The following RNF217 variants were observed in gnomAD, a reference collection of about 807,000 sequenced individuals.
RNF217 encodes the protein ring finger protein 217, also known as E3 ubiquitin-protein ligase RNF217.
In RNF217, 31 loss-of-function variants were observed where a neutral mutation model predicts 57.8. The ratio of observed to expected loss-of-function variants is 0.54; its 90% confidence interval spans 0.40 to 0.72. The LOEUF (loss-of-function observed/expected upper bound fraction) is 0.72. RNF217 is among the 30% of genes least tolerant of loss of function. The probability of loss-of-function intolerance (pLI) is 0.00; values close to 1 mark genes in which losing one functional copy is unlikely to be tolerated. For missense variants in RNF217, 696 were observed against 708.3 expected (o/e 0.98, Z 0.20); for synonymous variants, 313 against 294.0 (o/e 1.06, Z -0.66).
At chr6:125,035,042 G>A (rs374727125) in intron 1 of RNF217, among the ~76,000 whole-genome samples, 1 of 151,942 alleles carries the variant, frequency 6.6e-6, no homozygotes, top group East Asian at 1.9e-4. Context: ...TTTGTACATT[G>A]ATTTTGTATC....
chr6:125,041,901 GCAC>G (rs544288941), intron 1 of RNF217, among the ~76,000 whole-genome samples: 4 of 151,794 alleles, frequency 2.6e-5, no homozygotes, highest in Non-Finnish European at 5.9e-5. Flanking sequence ...ATTCGGTTAT[GCAC>G]CACCAAGAAA....
chr6:125,022,519 A>G (rs1461981099), intron 1 of RNF217, among the ~76,000 whole-genome samples: 1 of 152,172 alleles, frequency 6.6e-6, no homozygotes, highest in Non-Finnish European at 1.5e-5. Context: ...CAATTAGCAC[A>G]TTGAGTGCAA....
chr6:125,059,120 T>C (rs1787632456), intron 3 of RNF217, among the ~76,000 whole-genome samples: 1 of 152,106 alleles, frequency 6.6e-6, no homozygotes, highest in Admixed American at 6.6e-5. Context: ...CAAATTCACA[T>C]ACTGGTTTAT....
chr6:125,022,189 T>C (rs1309488496), intron 1 of RNF217, among the ~76,000 whole-genome samples: 2 of 152,144 alleles, frequency 1.3e-5, no homozygotes, highest in Non-Finnish European at 2.9e-5. Flanking sequence ...GCCTGTTTTC[T>C]TACTGGTTCT....
chr6:124,963,330 G>A lies in RNF217; in HGVS notation c.786G>A (p.Met262Ile). 6.5e-7 allele frequency: 1 copy of A among 1,534,922 alleles called. No homozygotes were observed. The highest frequency in any genetic ancestry group is 8.7e-7 in the Non-Finnish European group (1 of 1,146,266). The change falls in exon 1 of 6, where the codon ATG becomes ATA. Residue 262 changes from methionine (M) to isoleucine (I), a missense_variant. Coordinates refer to ENST00000521654, the MANE Select transcript of RNF217 (RefSeq NM_001286398.3). Reference protein sequence around the residue: ...GDPYVPLMVLMCRVCLEDKPI... With the variant: ...GDPYVPLMVLICRVCLEDKPI... Reference sequence around the variant, plus strand: ...CCTATGTGCCCCTCATGGTGCTGATGTGCCGGGTGTGCCTGGAAGACAAGC... The same window carrying A: ...CCTATGTGCCCCTCATGGTGCTGATATGCCGGGTGTGCCTGGAAGACAAGC...
At chr6:124,978,499 G>A (rs1303543256) in intron 1 of RNF217, among the ~76,000 whole-genome samples, 2 of 151,680 alleles carry the variant, frequency 1.3e-5, no homozygotes, top group Non-Finnish European at 2.9e-5. Flanking sequence ...GCCCCAAGGG[G>A]GGTTACAGTT....
chr6:125,082,435 T>G (rs891766898), intron 5 of RNF217: 1 of 1,587,556 alleles, frequency 6.3e-7, no homozygotes, highest in Admixed American at 1.8e-5. Context: ...GATATTATTA[T>G]CTGTATTATA....
intron 1 of RNF217, chr6:124,983,303 T>C: frequency 1.8e-5 from 16 of 890,172 alleles, no homozygotes; most frequent in Non-Finnish European, 2.2e-5. Context: ...AATCAGATTC[T>C]GGTAATTATT....
chr6:124,963,197 C>G lies in RNF217; in HGVS notation c.653C>G (p.Pro218Arg). Residue 218 changes from proline (P) to arginine (R), a missense_variant, in exon 1 of 6, where the codon CCC (proline) becomes CGC (arginine). Physicochemically the swap from Pro to Arg is moderately radical, Grantham distance 103. This residue lies in a region of RNF217 where 465 missense variants were observed against 386.8 expected (regional missense o/e 1.20). Transcript: ENST00000521654. The part of the protein sequence containing the change: ...RLSLPTDSLS[P>R]DGGSIELEFY... Reference sequence around the variant, plus strand: ...TCCCTCCCAACGGATTCCCTCTCCCCCGACGGCGGCAGCATCGAGCTGGAG... The same window carrying G: ...TCCCTCCCAACGGATTCCCTCTCCCGCGACGGCGGCAGCATCGAGCTGGAG... 1.3e-6 allele frequency: 2 copies of G among 1,536,100 alleles called. No individual in the cohort carries two copies. Among genetic ancestry groups the G allele is most frequent in the Non-Finnish European group, 1.7e-6 (2 of 1,146,886 alleles).
intron 3 of RNF217, among the ~76,000 whole-genome samples, chr6:125,067,550 T>C (rs1369712287): frequency 3.9e-5 from 6 of 152,182 alleles, no homozygotes; most frequent in Admixed American, 3.9e-4. Flanking sequence ...CCACCAAATA[T>C]TTAGTATGGG....
chr6:124,984,918 G>T (rs942948436), intron 1 of RNF217, among the ~76,000 whole-genome samples: 1 of 152,056 alleles, frequency 6.6e-6, no homozygotes, highest in Non-Finnish European at 1.5e-5. Flanking sequence ...TATAATATAT[G>T]TAAGACATAA....
intron 1 of RNF217, among the ~76,000 whole-genome samples, chr6:125,029,664 A>G (rs1018703481): frequency 8.0e-5 from 12 of 150,354 alleles, no homozygotes; most frequent in Non-Finnish European, 1.8e-4. Flanking sequence ...TGTTGTTGGT[A>G]AAAATGTAGA....
At chr6:124,985,520 T>C (rs1182744765) in intron 1 of RNF217, among the ~76,000 whole-genome samples, 1 of 152,138 alleles carries the variant, frequency 6.6e-6, no homozygotes, top group Non-Finnish European at 1.5e-5. Context: ...CTCTGATATA[T>C]TAATAAAGTA....
intron 3 of RNF217, among the ~76,000 whole-genome samples, chr6:125,073,725 G>T (rs1219090879): frequency 6.6e-6 from 1 of 152,098 alleles, no homozygotes; most frequent in African/African-American, 2.4e-5. Context: ...ATATGAAGAA[G>T]TAAGAAAGGG....
chr6:125,030,035 TG>T (rs1015553696), intron 1 of RNF217, among the ~76,000 whole-genome samples: 1 of 150,844 alleles, frequency 6.6e-6, no homozygotes, highest in Non-Finnish European at 1.5e-5. Flanking sequence ...TGGCGGGAGG[TG>T]AAAGGCATTT....
chr6:125,075,137 A>G (rs1366258191), intron 3 of RNF217, among the ~76,000 whole-genome samples: 1 of 152,198 alleles, frequency 6.6e-6, no homozygotes. Context: ...TTAAAACATT[A>G]TGAGATGGTT....
chr6:125,061,792 T>C (rs10872293), intron 3 of RNF217, among the ~76,000 whole-genome samples: 60,681 of 151,598 alleles, frequency 0.4, 12,647 homozygotes, highest in Non-Finnish European at 0.48. Context: ...CTTTTGTAAA[T>C]ATGTTGCTTC....
chr6:124,990,803 G>A (rs879830292), intron 1 of RNF217, among the ~76,000 whole-genome samples: 3 of 152,130 alleles, frequency 2.0e-5, no homozygotes, highest in Admixed American at 6.5e-5. Flanking sequence ...GGTGGCTTAC[G>A]TCCGTAATCC....
intron 1 of RNF217, among the ~76,000 whole-genome samples, chr6:124,976,250 ACTCC>A (rs764577352): frequency 0.01 from 1,287 of 127,946 alleles, 15 homozygotes; most frequent in East Asian, 0.031. Context: ...TCCCTCCCTC[ACTCC>A]CTCCCTCCCT....
Sources: allele counts gnomAD v4.1 joint callset (sites outside exome capture counted in the v4.1 genomes callset), GRCh38; gene constraint gnomAD v4.1.1; regional missense constraint gnomAD v4.1.1; transcripts MANE v1.5; gene names NCBI Gene and HGNC (gene_info 2026-07-23, HGNC 2026-07-21).